The following LAMA4 variants were observed in gnomAD, a reference collection of about 807,000 sequenced individuals.
LAMA4 encodes laminin subunit alpha 4.
LAMA4 carries 127 observed loss-of-function variants against 207.1 expected under a neutral mutation model. That is an observed-to-expected ratio of 0.61 (90% CI 0.53 to 0.71). The LOEUF (loss-of-function observed/expected upper bound fraction) is 0.71, where lower values mean the gene tolerates loss of function less well. Ranked by LOEUF, LAMA4 falls within the 30% of genes least tolerant of loss-of-function variation. The probability of loss-of-function intolerance (pLI) is 0.00; values close to 1 mark genes in which losing one functional copy is unlikely to be tolerated. For missense variants in LAMA4, 2,093 were observed against 2,246.5 expected (o/e 0.93, Z 1.38); for synonymous variants, 761 against 816.0 (o/e 0.93, Z 1.15).
chr6:112,114,098 A>G lies in LAMA4; in HGVS notation c.5304T>C (p.Pro1768=). The G allele has an allele frequency of 6.2e-7, 1 of 1,613,964 alleles. No homozygotes were observed. The highest frequency in any genetic ancestry group is 8.5e-7 in the Non-Finnish European group (1 of 1,179,854). Residue 1768 remains proline (P), a synonymous_variant, in exon 38 of 39, where the codon CCT becomes CCC. Transcript: ENST00000230538. ...LNPKPIDHRE[P]VFVGGVPESL... is the part of the protein sequence containing the mutation. ...TACCTGGAACACCTCCAACAAACACAGGCTCCCTGTGATCAATTGGTTTTG... is the reference window on the plus strand; with the variant it reads ...TACCTGGAACACCTCCAACAAACACGGGCTCCCTGTGATCAATTGGTTTTG...
chr6:112,182,202 G>A (rs538833191), intron 9 of LAMA4, among the ~76,000 whole-genome samples: 1 of 152,144 alleles, frequency 6.6e-6, no homozygotes, highest in African/African-American at 2.4e-5. Context: ...GCATCCATGG[G>A]AGATTGGTTC....
intron 2 of LAMA4, among the ~76,000 whole-genome samples, chr6:112,246,714 G>T (rs1786968239): frequency 6.6e-6 from 1 of 152,104 alleles, no homozygotes; most frequent in Non-Finnish European, 1.5e-5. Context: ...TAGAGGCGGG[G>T]TCTCACCATC....
At chr6:112,238,196 A>G (rs1554366739) in intron 2 of LAMA4, among the ~76,000 whole-genome samples, 6 of 152,188 alleles carry the variant, frequency 3.9e-5, no homozygotes, top group Non-Finnish European at 1.5e-5. Context: ...AGTTTTTGTA[A>G]CATAAGAAAT....
chr6:112,244,794 T>C (rs1255525920), intron 2 of LAMA4, among the ~76,000 whole-genome samples: 1 of 152,208 alleles, frequency 6.6e-6, no homozygotes. Context: ...ATGGCTCATA[T>C]TGCAAGGTAT....
Position 112,187,515 on chromosome 6 carries a change from C to T in LAMA4, c.901G>A (p.Val301Ile), listed in dbSNP as rs200722112. The change falls in exon 8 of 39, where the codon GTA becomes ATA. Residue 301 changes from valine (V) to isoleucine (I), a missense_variant. This residue lies in a region of LAMA4 where 1,704 missense variants were observed against 1,788.4 expected (regional missense o/e 0.95). Coordinates refer to ENST00000230538, the MANE Select transcript of LAMA4 (RefSeq NM_001105206.3). ...IEEGKSGVLS[V>I]SSGAAAHRHV... ...CTATGAGCGGCGGCCCCAGAGGATA[C>T]GCTCAGCACCCCGGATTTGCCTTCC... 87 of 1,613,986 alleles carry T rather than the reference C, an allele frequency of 5.4e-5. No homozygotes were observed. Among genetic ancestry groups the T allele is most frequent in the South Asian group, 2.2e-4 (20 of 91,084 alleles).
chr6:112,169,220 C>A (rs1350662327), intron 12 of LAMA4, among the ~76,000 whole-genome samples: 2 of 152,094 alleles, frequency 1.3e-5, no homozygotes, highest in Admixed American at 6.5e-5. Flanking sequence ...ACCAAAATAT[C>A]CACAAGTGAG....
At chr6:112,120,150 G>T in intron 33 of LAMA4, 133 bp downstream of exon 33, 1 of 712,890 alleles carries the variant, frequency 1.4e-6, no homozygotes, top group Non-Finnish European at 2.3e-6. Flanking sequence ...ACAATTTTTT[G>T]AAATTGAATT....
chr6:112,132,006 GAAGT>G (rs1293294362), intron 28 of LAMA4, among the ~76,000 whole-genome samples: 1 of 152,086 alleles, frequency 6.6e-6, no homozygotes, highest in Non-Finnish European at 1.5e-5. Flanking sequence ...AAATCTAAGA[GAAGT>G]ATGTATGTTC....
chr6:112,204,877 G>A (rs6917160), intron 4 of LAMA4, among the ~76,000 whole-genome samples: 8,366 of 152,242 alleles, frequency 0.055, 724 homozygotes, highest in African/African-American at 0.19. Context: ...AACAGTTTCT[G>A]AAGAAGGATG....
chr6:112,133,217 T>G, intron 27 of LAMA4, 132 bp downstream of exon 27: 1 of 990,356 alleles, frequency 1.0e-6, no homozygotes, highest in South Asian at 1.3e-5. Flanking sequence ...TTAATGGTTC[T>G]TCTTTCTGGT....
chr6:112,175,921 G>A (rs1781998618), intron 10 of LAMA4, among the ~76,000 whole-genome samples: 1 of 152,180 alleles, frequency 6.6e-6, no homozygotes, highest in South Asian at 2.1e-4. Flanking sequence ...CCTGTCATGG[G>A]TGAGATTATT....
intron 2 of LAMA4, among the ~76,000 whole-genome samples, chr6:112,235,186 C>T (rs1456080474): frequency 2.0e-5 from 3 of 152,196 alleles, no homozygotes; most frequent in African/African-American, 7.2e-5. Context: ...CTGAAATACC[C>T]CTTTTTCCTT....
rs1224211743 is a variant in LAMA4 at position 112,175,334 on chromosome 6, C to T, written c.1336G>A (p.Glu446Lys). The T allele has an allele frequency of 1.7e-5, 27 of 1,614,154 alleles. No homozygotes were observed. The highest frequency in any genetic ancestry group is 2.3e-5 in the Non-Finnish European group (27 of 1,180,000). Residue 446 changes from glutamate (E) to lysine (K), a missense_variant, in exon 11 of 39, where the codon GAG becomes AAG. Physicochemically the swap from Glu to Lys is moderately conservative, Grantham distance 56 (BLOSUM62 1). Coordinates refer to ENST00000230538, the MANE Select transcript of LAMA4 (RefSeq NM_001105206.3). ...CTACGTTCGTAAGCCTCATCTGCCTCCTCATCCACGAGCTCCCGTTGGGTG... is the reference window on the plus strand; with the variant it reads ...CTACGTTCGTAAGCCTCATCTGCCTTCTCATCCACGAGCTCCCGTTGGGTG... The part of the protein sequence containing the change: ...FFTQRELVDE[E>K]ADEAYELLSQ...
rs1583640213 is a variant in LAMA4 at position 112,120,215 on chromosome 6, G to A, written c.4665+68C>T. The A allele has an allele frequency of 2.5e-6, 3 of 1,217,276 alleles. No individual in the cohort carries two copies. In the East Asian group the frequency reaches 7.0e-5, roughly 28 times the overall value. 75.4% of individuals were successfully genotyped at this position (1,217,276 alleles called of 1,614,324 possible). A position where few individuals can be genotyped will look rare whatever the true frequency, so the allele number is the denominator to read the frequency against. On this transcript the variant is annotated intron_variant, in intron 33 of 38. Coordinates refer to ENST00000230538, the MANE Select transcript of LAMA4 (RefSeq NM_001105206.3). ...GGATATTTCTAGAGAGAGTAATGGA[G>A]GCCCATTAGTGTCCATTTGACAATG...
intron 3 of LAMA4, among the ~76,000 whole-genome samples, chr6:112,214,652 A>G (rs1051784132): frequency 5.9e-5 from 9 of 152,192 alleles, no homozygotes; most frequent in African/African-American, 2.2e-4. Context: ...TAAAATGGCT[A>G]TTTCTTTTTG....
chr6:112,153,151 C>T (rs1780497924), intron 16 of LAMA4, among the ~76,000 whole-genome samples: 1 of 151,912 alleles, frequency 6.6e-6, no homozygotes, highest in Admixed American at 6.6e-5. Flanking sequence ...TGACTATCAA[C>T]TATTTGATAT....
chr6:112,172,327 C>T (rs1781763061), intron 12 of LAMA4: 1 of 386,038 alleles, frequency 2.6e-6, no homozygotes, highest in African/African-American at 2.0e-5. Context: ...AAAAGCTATG[C>T]ATTGCTTACC....
intron 12 of LAMA4, among the ~76,000 whole-genome samples, chr6:112,167,840 TCACACACACACACACA>T (rs71021873): frequency 0.015 from 1,842 of 125,926 alleles, 29 homozygotes; most frequent in Middle Eastern, 0.035. Context: ...ATGCATACCA[TCACACACACACACACA>T]CACACACACA....
At chr6:112,124,075 A>C (rs781842109) in intron 31 of LAMA4, among the ~76,000 whole-genome samples, 4 of 152,152 alleles carry the variant, frequency 2.6e-5, no homozygotes, top group Non-Finnish European at 5.9e-5. Context: ...GGAGTAATAC[A>C]CTTTATGATA....
Sources: allele counts gnomAD v4.1 joint callset (sites outside exome capture counted in the v4.1 genomes callset), GRCh38; gene constraint gnomAD v4.1.1; regional missense constraint gnomAD v4.1.1; transcripts MANE v1.5; gene names NCBI Gene and HGNC (gene_info 2026-07-23, HGNC 2026-07-21).